The following RANBP2 variants were observed in gnomAD, a reference collection of about 807,000 sequenced individuals.
RANBP2 encodes RAN binding protein 2.
Under a neutral mutation model 303.6 loss-of-function variants are expected in RANBP2, and 57 were observed. The ratio of observed to expected loss-of-function variants is 0.19; its 90% CI spans 0.15 to 0.23. RANBP2 has a LOEUF of 0.23. Among genes scored for constraint, RANBP2 ranks in the 10% least tolerant of loss-of-function variants. The pLI, the probability that RANBP2 is intolerant of heterozygous loss-of-function variation, is 1.00. For missense variants in RANBP2, 3,138 were observed against 3,780.8 expected, an observed-to-expected ratio of 0.83 and a Z score of 4.46; for synonymous variants, 1,167 against 1,301.5, an observed-to-expected ratio of 0.90 and a Z score of 2.23.
the RANBP2 span, among the ~76,000 whole-genome samples, chr2:108,994,811 TATATATATATATATATATC>T: frequency 4.2e-5 from 1 of 23,872 alleles, no homozygotes; most frequent in African/African-American, 1.3e-4. Context: ...TATATATATA[TATATATATATATATATATC>T]TTTTTTTTTT....
the RANBP2 span, among the ~76,000 whole-genome samples, chr2:109,016,112 C>T: frequency 9.2e-5 from 14 of 152,208 alleles, no homozygotes; most frequent in East Asian, 1.9e-4. Context: ...GACGGAGTTT[C>T]GCTCTGTCGC....
the RANBP2 span, chr2:108,906,336 C>T: frequency 2.5e-6 from 4 of 1,614,208 alleles, no homozygotes; most frequent in South Asian, 1.1e-5. Flanking sequence ...CGTTGGCATA[C>T]ACATCGAGGA....
the RANBP2 span, among the ~76,000 whole-genome samples, chr2:108,940,955 C>A: frequency 3.3e-5 from 5 of 152,292 alleles, no homozygotes; most frequent in South Asian, 8.3e-4. Context: ...CGTATATACA[C>A]CCCCTGTGGC....
At chr2:109,046,212 A>G in the RANBP2 span, among the ~76,000 whole-genome samples, 55 of 150,540 alleles carry the variant, frequency 3.7e-4, no homozygotes, top group Middle Eastern at 3.5e-3. Context: ...GCTGAGGCAG[A>G]AGAATTGCTT....
chr2:109,528,234 C>CCTGTGCCCCG, the RANBP2 span, among the ~76,000 whole-genome samples: 1 of 152,184 alleles, frequency 6.6e-6, no homozygotes. Context: ...GGAGGGATAC[C>CCTGTGCCCCG]CTGTGCCCCG....
the RANBP2 span, among the ~76,000 whole-genome samples, chr2:109,026,687 G>A: frequency 6.6e-6 from 1 of 152,166 alleles, no homozygotes; most frequent in Non-Finnish European, 1.5e-5. Flanking sequence ...TGGGGAAAAA[G>A]CTCAAAATGA....
the RANBP2 span, among the ~76,000 whole-genome samples, chr2:109,053,951 C>T: frequency 8.7e-3 from 1,330 of 152,264 alleles, 21 homozygotes; most frequent in African/African-American, 0.031. Context: ...TCTTTCCAGG[C>T]TCTGGGGCCA....
chr2:109,230,828 T>C, the RANBP2 span, among the ~76,000 whole-genome samples: 2 of 152,176 alleles, frequency 1.3e-5, no homozygotes, highest in African/African-American at 4.8e-5. Flanking sequence ...AGATAAAAAA[T>C]TCCACTTCAT....
At chr2:109,680,644 C>A in the RANBP2 span, among the ~76,000 whole-genome samples, 33,238 of 152,158 alleles carry the variant, frequency 0.22, 4,458 homozygotes, top group Admixed American at 0.31. Context: ...TCCCCTGGCG[C>A]TGAGCTGACC....
the RANBP2 span, among the ~76,000 whole-genome samples, chr2:108,862,622 A>T: frequency 6.6e-6 from 1 of 152,226 alleles, no homozygotes; most frequent in Non-Finnish European, 1.5e-5. Context: ...GCCATTCCAC[A>T]ATGTTTACAT....
chr2:109,598,121 G>A, the RANBP2 span, among the ~76,000 whole-genome samples: 1 of 152,066 alleles, frequency 6.6e-6, no homozygotes, highest in African/African-American at 2.4e-5. Flanking sequence ...GGAGTGCAAT[G>A]GCGTGATCTC....
chr2:108,834,099 AG>A, the RANBP2 span, among the ~76,000 whole-genome samples: 1 of 151,330 alleles, frequency 6.6e-6, no homozygotes. Flanking sequence ...CTAGAATTTG[AG>A]GGTATCATTT....
At chr2:108,782,456 A>G (rs1573858331) in intron 27 of RANBP2, 55 bp downstream of exon 27, 6 of 1,613,702 alleles carry the variant, frequency 3.7e-6, no homozygotes, top group Middle Eastern at 1.7e-4. Context: ...TCTAAAATCT[A>G]TAACAAACAA....
Position 108,783,581 on chromosome 2 carries a change from A to G in RANBP2, c.9370-15A>G. On this transcript the variant is annotated splice_polypyrimidine_tract_variant and intron_variant, in intron 28 of 28. Coordinates refer to ENST00000283195, the MANE Select transcript of RANBP2 (RefSeq NM_006267.5). ...AAAAAATTTTTAACTTTTTTATTATAAATCTTTTTTTCAGGGAGGAGATAT... is the reference window on the plus strand; with the variant it reads ...AAAAAATTTTTAACTTTTTTATTATGAATCTTTTTTTCAGGGAGGAGATAT... The G allele has an allele frequency of 6.3e-7, 1 of 1,589,560 alleles. No individual in the cohort carries two copies. The highest frequency in any genetic ancestry group is 1.2e-5 in the South Asian group (1 of 86,956).
chr2:108,841,443 G>A, the RANBP2 span, among the ~76,000 whole-genome samples: 3 of 151,790 alleles, frequency 2.0e-5, no homozygotes, highest in East Asian at 5.8e-4. Context: ...CTGTGTTCTT[G>A]TAAATTTATG....
In RANBP2 at chr2:108,763,802, C is replaced by T. The variant is rs1676919475; in HGVS notation, c.3263C>T (p.Pro1088Leu). ...GDGYSGAKPIPGGQTIGPRNT... is the reference protein window; with the variant it reads ...GDGYSGAKPILGGQTIGPRNT... ...GGCTATAGTGGAGCCAAACCAATTC[C>T]TGGTGGTCAAACCATTGGGCCTCGA... The change falls in exon 20 of 29, where the codon CCT becomes CTT. Residue 1088 changes from proline to leucine, a missense_variant. Around this residue, in one of 20 missense-constraint regions of RANBP2, gnomAD observed 403 missense variants for 376.7 expected, o/e 1.07. Transcript: ENST00000283195. 1 of 1,614,088 alleles carries T rather than the reference C, an allele frequency of 6.2e-7. No homozygotes were observed. Among genetic ancestry groups the T allele is most frequent in the Middle Eastern group, 1.6e-4 (1 of 6,062 alleles).
chr2:109,027,641 A>G, the RANBP2 span, among the ~76,000 whole-genome samples: 20 of 152,244 alleles, frequency 1.3e-4, no homozygotes, highest in African/African-American at 4.8e-4. Context: ...TGACGTGGAC[A>G]AAGTATCTGG....
At chr2:109,475,374 G>A in the RANBP2 span, among the ~76,000 whole-genome samples, 178 of 152,312 alleles carry the variant, frequency 1.2e-3, no homozygotes, top group Middle Eastern at 3.4e-3. Context: ...GCAAACCCAC[G>A]CAAAGTGGCT....
chr2:109,061,473 C>T, the RANBP2 span, among the ~76,000 whole-genome samples: 1 of 152,184 alleles, frequency 6.6e-6, no homozygotes, highest in African/African-American at 2.4e-5. Context: ...TGCAAGCAGC[C>T]TGTGTGCATG....
Sources: allele counts gnomAD v4.1 joint callset (sites outside exome capture counted in the v4.1 genomes callset), GRCh38; gene constraint gnomAD v4.1.1; regional missense constraint gnomAD v4.1.1; transcripts MANE v1.5; gene names NCBI Gene and HGNC (gene_info 2026-07-23, HGNC 2026-07-21).